COL11A1: variants seen among roughly 807,000 people sequenced by gnomAD.
The protein encoded by COL11A1 is collagen alpha-1(XI) chain.
COL11A1 carries 74 observed loss-of-function variants against 265.2 expected under a neutral mutation model. The ratio of observed to expected loss-of-function variants is 0.28; its 90% CI spans 0.23 to 0.34. COL11A1 has a LOEUF of 0.34. Ranked by LOEUF, COL11A1 falls within the 10% of genes least tolerant of loss-of-function variation. The probability of loss-of-function intolerance (pLI) is 1.00; values close to 1 mark genes in which losing one functional copy is unlikely to be tolerated. For synonymous variants in COL11A1, 816 were observed against 727.6 expected (o/e 1.12, Z -1.96); for missense variants, 2,165 against 2,263.6 (o/e 0.96, Z 0.88).
chr1:103,080,997 C>T lies in COL11A1; in HGVS notation c.274+1808G>A, dbSNP rs922868138. 4.0e-5 allele frequency among the ~76,000 whole-genome samples: 6 copies of T among 151,872 alleles called. No individual in the cohort carries two copies. The South Asian group carries it at 1.2e-3, about 31-fold the overall frequency. ...ATATATGGAATCAACCCACCATCTC[C>T]TAGCTATGTGTTCTTGGCAAATAAA... On this transcript the variant is annotated intron_variant, in intron 2 of 66. Transcript: ENST00000370096.
intron 2 of COL11A1, among the ~76,000 whole-genome samples, chr1:103,081,803 C>T (rs1316512960): frequency 1.3e-5 from 2 of 151,738 alleles, no homozygotes; most frequent in Non-Finnish European, 2.9e-5. Context: ...CTGAGAAGAT[C>T]CCAAAGTGCC....
intron 54 of COL11A1, among the ~76,000 whole-genome samples, chr1:102,906,773 G>C (rs996185520): frequency 1.3e-5 from 2 of 151,742 alleles, no homozygotes; most frequent in African/African-American, 4.8e-5. Context: ...TGTTGAGGTA[G>C]AGTTATTGAC....
At chr1:102,997,227 T>C in intron 25 of COL11A1, 103 bp from the exon 26 acceptor site, 1 of 1,101,746 alleles carries the variant, frequency 9.1e-7, no homozygotes, top group Non-Finnish European at 1.4e-6. Flanking sequence ...GATCTTACTC[T>C]TTAAGTTTCA....
intron 4 of COL11A1, among the ~76,000 whole-genome samples, chr1:103,041,607 A>C (rs1668813329): frequency 6.6e-6 from 1 of 151,916 alleles, no homozygotes; most frequent in Non-Finnish European, 1.5e-5. Flanking sequence ...GTCTCTTTAA[A>C]TCTAAATCGG....
rs756292514 is a variant in COL11A1, at chr1:103,004,659, A to T, written c.1848T>A (p.Gly616=). The T allele has an allele frequency of 6.2e-7, 1 of 1,609,386 alleles. No individual in the cohort carries two copies. The highest frequency in any genetic ancestry group is 8.5e-7 in the Non-Finnish European group (1 of 1,177,552). The change falls in exon 19 of 67, where the codon GGT becomes GGA. Residue 616 remains glycine, a splice_region_variant and synonymous_variant. Coordinates refer to ENST00000370096, the MANE Select transcript of COL11A1 (RefSeq NM_001854.4). The stretch of plus-strand genomic sequence containing the variant: ...CTGGAGGACCTTGAGGACCTCGTTC[A>T]CCCTGTTAAATCAATACAAATAAGA... ...PGLPGDKGHR[G]ERGPQGPPGP...
At chr1:102,901,727 CA>C (rs1653229813) in intron 54 of COL11A1, among the ~76,000 whole-genome samples, 1 of 152,106 alleles carries the variant, frequency 6.6e-6, no homozygotes, top group African/African-American at 2.4e-5. Context: ...ATTGTTATAA[CA>C]GATTTTTCTA....
intron 64 of COL11A1, among the ~76,000 whole-genome samples, chr1:102,882,829 T>C (rs1401888047): frequency 6.6e-6 from 1 of 152,184 alleles, no homozygotes; most frequent in Admixed American, 6.5e-5. Context: ...TTTAATTCTT[T>C]ATAAAATTAG....
chr1:102,918,094 A>C (rs1655560572), intron 49 of COL11A1, among the ~76,000 whole-genome samples: 1 of 151,514 alleles, frequency 6.6e-6, no homozygotes, highest in African/African-American at 2.4e-5. Flanking sequence ...TAATACCAAA[A>C]TGCTACAAAC....
At chr1:102,988,843 C>G (rs941947560) in intron 29 of COL11A1, among the ~76,000 whole-genome samples, 1 of 152,122 alleles carries the variant, frequency 6.6e-6, no homozygotes, top group Non-Finnish European at 1.5e-5. Context: ...TTATCTTTAA[C>G]GTTTAAGAAC....
rs150214142 is a variant in COL11A1 at position 103,091,946 on chromosome 1, C to A, written c.107-8974G>T. Among the ~76,000 whole-genome samples, 5 of 152,182 alleles carry A rather than the reference C, an allele frequency of 3.3e-5. No individual in the cohort carries two copies. In the East Asian group the frequency reaches 9.6e-4, roughly 29 times the overall value. ...AACAAGCCTATTAGTACTATCTTTT[C>A]AGAAAATAGAAATCCAGTGAACAAA... On this transcript the variant is annotated intron_variant, in intron 1 of 66. Transcript: ENST00000370096.
intron 63 of COL11A1, among the ~76,000 whole-genome samples, chr1:102,885,164 A>G (rs1650809938): frequency 6.6e-6 from 1 of 152,170 alleles, no homozygotes; most frequent in South Asian, 2.1e-4. Context: ...TAAGCATAAA[A>G]TCAGATAGCT....
chr1:102,933,100 T>A (rs990166499), intron 46 of COL11A1, among the ~76,000 whole-genome samples: 1 of 150,076 alleles, frequency 6.7e-6, no homozygotes, highest in African/African-American at 2.5e-5. Flanking sequence ...CTCATCAAAG[T>A]CATTCTCCAT....
At chr1:102,928,689 G>A (rs1656962102) in intron 46 of COL11A1, among the ~76,000 whole-genome samples, 1 of 148,166 alleles carries the variant, frequency 6.7e-6, no homozygotes, top group African/African-American at 2.5e-5. Context: ...GACAATGGTT[G>A]AACTAGTGTA....
chr1:102,951,652 A>G (rs1464502160), intron 41 of COL11A1, among the ~76,000 whole-genome samples: 1 of 152,150 alleles, frequency 6.6e-6, no homozygotes, highest in Non-Finnish European at 1.5e-5. Flanking sequence ...AGGCAGGAGA[A>G]TAGCGTGAAT....
At chr1:102,888,393 A>T (rs1158141228) in intron 62 of COL11A1, among the ~76,000 whole-genome samples, 184 bp downstream of exon 62, 1 of 152,224 alleles carries the variant, frequency 6.6e-6, no homozygotes, top group Admixed American at 6.5e-5. Flanking sequence ...ATATTTGAAG[A>T]GTGAAATCAA....
rs529431384 is a variant in COL11A1 at position 103,065,003 on chromosome 1, G to A, written c.651+9615C>T. 9.2e-5 allele frequency among the ~76,000 whole-genome samples: 14 copies of A among 152,220 alleles called. No homozygotes were observed. The South Asian group carries it at 2.5e-3, about 27-fold the overall frequency. On this transcript the variant is annotated intron_variant, in intron 4 of 66. Coordinates refer to ENST00000370096, the MANE Select transcript of COL11A1 (RefSeq NM_001854.4). The stretch of plus-strand genomic sequence containing the variant: ...CATTACATATTTGTCTACACTCTTA[G>A]AATGTACAACACCAAGAGTGAACAT...
At chr1:103,000,109 C>G (rs75677926) in intron 24 of COL11A1, among the ~76,000 whole-genome samples, 2,045 of 151,712 alleles carry the variant, frequency 0.013, 18 homozygotes, top group Non-Finnish European at 0.021. Context: ...AACAACTTTT[C>G]CTAAGAGCAA....
Position 102,978,766 on chromosome 1 carries a change from A to G in COL11A1, c.2710-14T>C. The G allele has an allele frequency of 1.2e-6, 2 of 1,614,170 alleles. No homozygotes were observed. The highest frequency in any genetic ancestry group is 1.7e-6 in the Non-Finnish European group (2 of 1,180,008). On this transcript the variant is annotated splice_polypyrimidine_tract_variant and intron_variant, in intron 34 of 66. Coordinates refer to ENST00000370096, the MANE Select transcript of COL11A1 (RefSeq NM_001854.4). ...ACCTGAAGTGCCCTGGCACCAAGAA[A>G]AGAAAAGAAAAATCAGTTTGAATTC...
chr1:102,884,199 C>T (rs1214010646), intron 63 of COL11A1, among the ~76,000 whole-genome samples: 1 of 152,120 alleles, frequency 6.6e-6, no homozygotes, highest in Non-Finnish European at 1.5e-5. Flanking sequence ...TCCCTCGAGG[C>T]AAGTCATGGA....
Sources: allele counts gnomAD v4.1 joint callset (sites outside exome capture counted in the v4.1 genomes callset), GRCh38; gene constraint gnomAD v4.1.1; transcripts MANE v1.5; gene names NCBI Gene and HGNC (gene_info 2026-07-23, HGNC 2026-07-21).